FLACC1: variants seen among roughly 807,000 people sequenced by gnomAD.
FLACC1 encodes the protein flagellum-associated coiled-coil domain-containing protein 1.
FLACC1 carries 66 observed loss-of-function variants against 62.8 expected under a neutral mutation model. The ratio of observed to expected loss-of-function variants is 1.05; its 90% CI spans 0.86 to 1.29. The LOEUF (loss-of-function observed/expected upper bound fraction) is 1.29, where lower values mean the gene tolerates loss of function less well. FLACC1 is among the 50% of genes most tolerant of loss of function. The pLI, the probability that FLACC1 is intolerant of heterozygous loss-of-function variation, is 0.00. For synonymous variants in FLACC1, 156 were observed against 161.0 expected (o/e 0.97, Z 0.24); for missense variants, 452 against 489.1 (o/e 0.92, Z 0.71).
At position 201,330,730 on chromosome 2, in the gene FLACC1, C is replaced by A. The variant is rs770638449; in HGVS notation, c.622+6G>T. ...CCAGGGTCATTCTCCCAGGTCCCAG[C>A]AGTACCTAGCTTCTCTTGGGCAGCC... is the stretch of plus-strand genomic sequence containing the variant. On this transcript the variant is annotated splice_donor_region_variant and intron_variant, in intron 8 of 14. Transcript: ENST00000392257. 6.2e-7 allele frequency: 1 copy of A among 1,613,210 alleles called. No homozygotes were observed. The highest frequency in any genetic ancestry group is 8.5e-7 in the Non-Finnish European group (1 of 1,179,598).
chr2:201,346,476 C>A lies in FLACC1; in HGVS notation c.368+66G>T. ...GTGGGCATAGCGGCTTTGGCTTGTC[C>A]CTGAGGCCGGGCTGAGCTGGGTGGG... On this transcript the variant is annotated intron_variant, in intron 5 of 14. Transcript: ENST00000392257. The surrounding 1 kb of genome is among the most constrained non-coding windows in gnomAD (Gnocchi z 4.0). 6.3e-7 allele frequency: 1 copy of A among 1,595,620 alleles called. No individual in the cohort carries two copies. Among genetic ancestry groups the A allele is most frequent in the South Asian group, 1.1e-5 (1 of 89,296 alleles).
intron 9 of FLACC1, among the ~76,000 whole-genome samples, chr2:201,312,699 T>A (rs1453543595): frequency 6.6e-6 from 1 of 151,972 alleles, no homozygotes; most frequent in Non-Finnish European, 1.5e-5. Context: ...ACAGAGATGG[T>A]GGACGGGAAG....
chr2:201,314,639 C>T (rs995329980), intron 9 of FLACC1, among the ~76,000 whole-genome samples: 1 of 152,146 alleles, frequency 6.6e-6, no homozygotes, highest in Non-Finnish European at 1.5e-5. Context: ...GAAACTTCCC[C>T]ACCCTTGCTA....
chr2:201,362,672 A>G, the FLACC1 span, among the ~76,000 whole-genome samples: 1 of 152,208 alleles, frequency 6.6e-6, no homozygotes, highest in South Asian at 2.1e-4. Flanking sequence ...AACTTGGGGA[A>G]GCGGCTTGGA....
chr2:201,346,833 C>T lies in FLACC1; in HGVS notation c.235-158G>A, dbSNP rs543234929. Among the ~76,000 whole-genome samples, 25 of 152,332 alleles carry T rather than the reference C, an allele frequency of 1.6e-4. No homozygotes were observed. The highest frequency in any genetic ancestry group is 6.0e-4 in the African/African-American group (25 of 41,582). ...CTTCACCCATTATAGCTCATTCTCA[C>T]ATCTCTCCGACTCAAATCTGATGCT... On this transcript the variant is annotated intron_variant, in intron 4 of 14. Transcript: ENST00000392257. This position sits in a 1 kb window ranked among gnomAD's most constrained non-coding sequence, Gnocchi z 4.0.
chr2:201,310,367 C>T (rs896216895), intron 9 of FLACC1, among the ~76,000 whole-genome samples: 2 of 152,076 alleles, frequency 1.3e-5, no homozygotes, highest in African/African-American at 4.8e-5. Context: ...TTTGATAGAG[C>T]GACCAAGTGT....
At chr2:201,300,760 T>A (rs1450830274) in intron 11 of FLACC1, among the ~76,000 whole-genome samples, 2 of 152,130 alleles carry the variant, frequency 1.3e-5, no homozygotes, top group African/African-American at 2.4e-5. Context: ...ACATTTGCTG[T>A]TCTGCAGTAT....
intron 1 of FLACC1, among the ~76,000 whole-genome samples, chr2:201,356,052 G>A (rs2125629765): frequency 6.6e-6 from 1 of 152,294 alleles, no homozygotes; most frequent in Middle Eastern, 3.4e-3. Flanking sequence ...GAATCATGAG[G>A]TGGTCTGGGG....
Position 201,307,127 on chromosome 2 carries a change from T to C in FLACC1, c.879+392A>G, listed in dbSNP as rs528465167. Among the ~76,000 whole-genome samples the C allele has an allele frequency of 9.7e-4, 148 of 152,304 alleles. 1 individual carries two copies. The highest frequency in any genetic ancestry group is 2.6e-3 in the Admixed American group (39 of 15,290). The stretch of plus-strand genomic sequence containing the variant: ...CTTTGGAAAATAAGTTTTGGCAAGT[T>C]CCCATAAAGTTAAACCTGTACCTGC... On this transcript the variant is annotated intron_variant, in intron 11 of 14. Transcript: ENST00000392257.
chr2:201,317,338 G>T (rs111406808), intron 9 of FLACC1, among the ~76,000 whole-genome samples: 8,575 of 152,162 alleles, frequency 0.056, 682 homozygotes, highest in African/African-American at 0.17. Context: ...ACTGATAAAA[G>T]AATTCAGTAA....
At chr2:201,336,033 T>C (rs1185941139) in intron 7 of FLACC1, among the ~76,000 whole-genome samples, 2 of 152,204 alleles carry the variant, frequency 1.3e-5, no homozygotes, top group African/African-American at 4.8e-5. Context: ...TAGGGGTACA[T>C]GTACATGTAT....
chr2:201,290,163 A>C (rs565002742), intron 12 of FLACC1, among the ~76,000 whole-genome samples: 1 of 152,220 alleles, frequency 6.6e-6, no homozygotes, highest in African/African-American at 2.4e-5. Flanking sequence ...GATAGAGGGC[A>C]CTTTTAGAGC....
At chr2:201,348,790 TTC>T (rs1950968838) in intron 3 of FLACC1, among the ~76,000 whole-genome samples, 1 of 152,202 alleles carries the variant, frequency 6.6e-6, no homozygotes, top group African/African-American at 2.4e-5. Flanking sequence ...TTGTTTTTCA[TTC>T]AAATCTTTAT....
At chr2:201,331,899 C>T (rs538816840) in intron 7 of FLACC1, among the ~76,000 whole-genome samples, 2 of 152,254 alleles carry the variant, frequency 1.3e-5, no homozygotes, top group African/African-American at 4.8e-5. Context: ...TTGATTATAA[C>T]AAATGTTACC....
intron 9 of FLACC1, among the ~76,000 whole-genome samples, chr2:201,323,020 C>T (rs985765378): frequency 1.2e-4 from 18 of 151,976 alleles, no homozygotes; most frequent in Non-Finnish European, 2.6e-4. Flanking sequence ...GGTTTTTAAA[C>T]TAACCCAATC....
At chr2:201,311,183 C>T (rs1241641294) in intron 9 of FLACC1, among the ~76,000 whole-genome samples, 1 of 150,256 alleles carries the variant, frequency 6.7e-6, no homozygotes. Context: ...ATCCTGGGAC[C>T]AGAAAGATTC....
intron 7 of FLACC1, among the ~76,000 whole-genome samples, chr2:201,338,325 T>C (rs992521308): frequency 1.3e-5 from 2 of 152,216 alleles, no homozygotes. Context: ...TTTTCATATA[T>C]AAGATTATGT....
chr2:201,331,157 C>T (rs901129138), intron 7 of FLACC1, among the ~76,000 whole-genome samples: 10 of 151,712 alleles, frequency 6.6e-5, no homozygotes, highest in East Asian at 3.9e-4. Flanking sequence ...TTTGTAGAGA[C>T]GGGGTCTTGC....
In FLACC1 at chr2:201,289,438, T is replaced by G. The variant is rs562942922; in HGVS notation, c.1142+19A>C. On this transcript the variant is annotated intron_variant, in intron 14 of 14. Coordinates refer to ENST00000392257, the MANE Select transcript of FLACC1 (RefSeq NM_001127391.3). ...TCCTAAAGAGAACTCAGCTATGTCT[T>G]TTTCAGCAGCAGCCGCACTTCAGAT... 1 of 1,610,794 alleles carries G rather than the reference T, an allele frequency of 6.2e-7. No individual in the cohort carries two copies. Among genetic ancestry groups the G allele is most frequent in the East Asian group, 2.2e-5 (1 of 44,874 alleles).
Sources: allele counts gnomAD v4.1 joint callset (sites outside exome capture counted in the v4.1 genomes callset), GRCh38; gene constraint gnomAD v4.1.1; non-coding constraint Gnocchi (gnomAD v3.1); transcripts MANE v1.5; gene names NCBI Gene and HGNC (gene_info 2026-07-23, HGNC 2026-07-21).